Variants in UBN1 observed in about 807,000 individuals in gnomAD.
UBN1 encodes the protein ubinuclein 1.
UBN1 carries 17 observed loss-of-function variants against 108.5 expected under a neutral mutation model. That is an observed-to-expected ratio of 0.16 (90% CI 0.11 to 0.24). The LOEUF (loss-of-function observed/expected upper bound fraction) is 0.24. UBN1 is among the 10% of genes least tolerant of loss of function. UBN1 has a pLI of 1.00. For missense variants in UBN1, 1,595 were observed against 1,394.4 expected (o/e 1.14, Z -2.29); for synonymous variants, 726 against 564.2 (o/e 1.29, Z -4.07).
rs549135543 is a variant in UBN1, at chr16:4,847,689, C to T, written c.-561C>T. On this transcript the variant is annotated 5_prime_UTR_variant, in exon 1 of 18. Transcript: ENST00000262376. ...CGGGCCCCGGGGCCATTCCCGAGCC[C>T]GAGGCGCTGGTCGGCCCCGTCGCAG... The T allele has an allele frequency of 5.6e-6, 1 of 179,832 alleles. No individual in the cohort carries two copies. Among genetic ancestry groups the T allele is most frequent in the Admixed American group, 6.4e-5 (1 of 15,538 alleles). 11.1% of individuals were successfully genotyped at this position (179,832 alleles called of 1,614,324 possible).
Position 4,864,169 on chromosome 16 carries a change from C to G in UBN1, c.1110+3067C>G, listed in dbSNP as rs2087209383. Among the ~76,000 whole-genome samples the G allele has an allele frequency of 2.7e-5, 4 of 149,570 alleles. No homozygotes were observed. In the Admixed American group the frequency reaches 2.7e-4, roughly 10 times the overall value. The stretch of plus-strand genomic sequence containing the variant: ...AATCTCAGCTCACTGCAACATCCAC[C>G]TCCGCCTTCTGGGTTCAAGTGATTC... On this transcript the variant is annotated intron_variant, in intron 7 of 17. Coordinates refer to ENST00000262376, the MANE Select transcript of UBN1 (RefSeq NM_001079514.3).
At chr16:4,854,865 G>T (rs998104854) in intron 2 of UBN1, among the ~76,000 whole-genome samples, 1 of 152,042 alleles carries the variant, frequency 6.6e-6, no homozygotes. Flanking sequence ...TGGGACTACA[G>T]GCGCCCGCCA....
At chr16:4,850,778 T>C (rs2086522214) in intron 1 of UBN1, among the ~76,000 whole-genome samples, 2 of 152,230 alleles carry the variant, frequency 1.3e-5, no homozygotes, top group Non-Finnish European at 2.9e-5. Context: ...TCTACATGTA[T>C]GTGGATATAT....
chr16:4,858,745 G>A, intron 4 of UBN1, 82 bp downstream of exon 4: 1 of 1,377,412 alleles, frequency 7.3e-7, no homozygotes, highest in Admixed American at 1.7e-5. Context: ...TGGGGGTGGG[G>A]TCAGAGCAGT....
intron 2 of UBN1, among the ~76,000 whole-genome samples, chr16:4,856,103 C>T (rs986985913): frequency 1.3e-5 from 2 of 152,190 alleles, no homozygotes; most frequent in African/African-American, 2.4e-5. Flanking sequence ...AAAATGGTAT[C>T]TTCTTCCTTT....
chr16:4,854,699 G>A (rs577074495), intron 2 of UBN1, among the ~76,000 whole-genome samples: 1 of 150,580 alleles, frequency 6.6e-6, no homozygotes, highest in South Asian at 2.1e-4. Context: ...GGAATTGTAT[G>A]GTATTTGAGT....
chr16:4,875,400 C>T lies in UBN1; in HGVS notation c.2990C>T (p.Ala997Val), dbSNP rs758852477. The change falls in exon 15 of 18, where the codon GCA becomes GTA. Residue 997 changes from alanine to valine, a missense_variant. Transcript: ENST00000262376. Reference protein sequence around the residue: ...LLTSPSLKPSAVSSVTSSTSL... With the variant: ...LLTSPSLKPSVVSSVTSSTSL... Reference sequence around the variant, plus strand: ...ACCTCGCCGTCCCTAAAGCCCTCTGCAGTTAGTAGTGTGACATCGTCTACC... The same window carrying T: ...ACCTCGCCGTCCCTAAAGCCCTCTGTAGTTAGTAGTGTGACATCGTCTACC... 3 of 1,613,574 alleles carry T rather than the reference C, an allele frequency of 1.9e-6. No individual in the cohort carries two copies. Among genetic ancestry groups the T allele is most frequent in the Admixed American group, 3.3e-5 (2 of 60,006 alleles).
At chr16:4,860,418 GTGGTTTC>G (rs2087004846) in intron 6 of UBN1, among the ~76,000 whole-genome samples, 1 of 152,192 alleles carries the variant, frequency 6.6e-6, no homozygotes, top group Non-Finnish European at 1.5e-5. Flanking sequence ...CAGCCTGGCA[GTGGTTTC>G]TAAAAACCCG....
chr16:4,870,769 C>T, intron 10 of UBN1, 75 bp from the exon 11 acceptor site: 1 of 1,602,010 alleles, frequency 6.2e-7, no homozygotes, highest in South Asian at 1.1e-5. Flanking sequence ...TGTGAAGTCC[C>T]AGTAGTGCAG....
intron 2 of UBN1, among the ~76,000 whole-genome samples, chr16:4,856,405 G>A (rs977421049): frequency 6.6e-6 from 1 of 152,240 alleles, no homozygotes; most frequent in Non-Finnish European, 1.5e-5. Flanking sequence ...TTCTTTTAGT[G>A]TATAGTCCTT....
At chr16:4,857,728 C>T (rs1454485183) in intron 2 of UBN1, among the ~76,000 whole-genome samples, 1 of 152,166 alleles carries the variant, frequency 6.6e-6, no homozygotes, top group Non-Finnish European at 1.5e-5. Context: ...TCTAAAGGCC[C>T]TTTGCTGTCT....
intron 3 of UBN1, 34 bp from the exon 4 acceptor site, chr16:4,858,534 A>G (rs778941387): frequency 6.3e-7 from 1 of 1,594,828 alleles, no homozygotes; most frequent in Admixed American, 1.7e-5. Context: ...GTGTTTATTC[A>G]AAAAGCATGT....
chr16:4,854,019 A>G (rs1273560699), intron 2 of UBN1, among the ~76,000 whole-genome samples: 1 of 151,944 alleles, frequency 6.6e-6, no homozygotes, highest in South Asian at 2.1e-4. Flanking sequence ...AACAGCTTAG[A>G]TCTGCTTAGA....
intron 2 of UBN1, 128 bp downstream of exon 2, chr16:4,853,294 A>T: frequency 7.7e-7 from 1 of 1,297,628 alleles, no homozygotes; most frequent in Non-Finnish European, 1.0e-6. Context: ...CCTGTCACTC[A>T]CTCAAGGCAA....
At chr16:4,873,890 G>T (rs1442838162) in intron 14 of UBN1, among the ~76,000 whole-genome samples, 1 of 152,242 alleles carries the variant, frequency 6.6e-6, no homozygotes, top group South Asian at 2.1e-4. Context: ...GGGAATGCCA[G>T]TAGGCAGAGT....
At chr16:4,869,542 A>T (rs1434269698) in intron 8 of UBN1, among the ~76,000 whole-genome samples, 3 of 152,198 alleles carry the variant, frequency 2.0e-5, no homozygotes, top group East Asian at 3.8e-4. Flanking sequence ...GTTGCTCAAC[A>T]GCTGAGGAGT....
At chr16:4,864,713 G>A (rs2087237842) in intron 7 of UBN1, among the ~76,000 whole-genome samples, 1 of 152,100 alleles carries the variant, frequency 6.6e-6, no homozygotes, top group African/African-American at 2.4e-5. Flanking sequence ...ATCTATTTTG[G>A]TTCTCTTTAG....
chr16:4,870,425 C>T lies in UBN1; in HGVS notation c.1311+84C>T, dbSNP rs116211165. ...GTCTTAAGCAATGATGCGTCTGCTG[C>T]CCCACTGCCTCCTTGTGATCACCCC... On this transcript the variant is annotated intron_variant, in intron 9 of 17. Coordinates refer to ENST00000262376, the MANE Select transcript of UBN1 (RefSeq NM_001079514.3). 1.1e-3 allele frequency: 1,779 copies of T among 1,608,734 alleles called. 28 individuals are homozygous for T. In the African/African-American group the frequency reaches 0.021, roughly 19 times the overall value.
At chr16:4,859,797 G>C in intron 5 of UBN1, 68 bp from the exon 6 acceptor site, 1 of 1,603,844 alleles carries the variant, frequency 6.2e-7, no homozygotes. Flanking sequence ...AGCAAGGCCA[G>C]TGCCGTGTAG....
Sources: gnomAD v4.1 joint callset for allele counts (sites outside exome capture counted in the v4.1 genomes callset) on GRCh38, gnomAD v4.1.1 for gene constraint, MANE v1.5 for transcripts, NCBI Gene and HGNC (gene_info 2026-07-23, HGNC 2026-07-21) for gene names.